The following RAB11FIP1 variants were observed in gnomAD, a reference collection of about 807,000 sequenced individuals.
RAB11FIP1 encodes rab11 family-interacting protein 1.
Under a neutral mutation model 83.1 loss-of-function variants are expected in RAB11FIP1, and 49 were observed. The observed-to-expected ratio is 0.59, with a 90% CI of 0.47 to 0.75. The LOEUF is 0.75. Ranked by LOEUF, RAB11FIP1 falls within the 30% of genes least tolerant of loss-of-function variation. The probability of loss-of-function intolerance (pLI) is 0.00; values close to 1 mark genes in which losing one functional copy is unlikely to be tolerated. For synonymous variants in RAB11FIP1, 670 were observed against 656.0 expected (o/e 1.02, Z -0.33); for missense variants, 1,536 against 1,598.7 (o/e 0.96, Z 0.67).
intron 1 of RAB11FIP1, among the ~76,000 whole-genome samples, chr8:37,888,664 G>C (rs1806884509): frequency 6.6e-6 from 1 of 151,726 alleles, no homozygotes; most frequent in Non-Finnish European, 1.5e-5. Flanking sequence ...TTTTTGTAGA[G>C]ACAGGGTCTC....
chr8:37,882,898 C>T (rs1460930635), intron 1 of RAB11FIP1, among the ~76,000 whole-genome samples: 1 of 152,130 alleles, frequency 6.6e-6, no homozygotes, highest in Non-Finnish European at 1.5e-5. Context: ...ATCCCTGGGT[C>T]CTAAAGTGGG....
chr8:37,874,805 CT>C lies in RAB11FIP1; in HGVS notation c.1331del (p.Lys444ArgfsTer24). The C allele has an allele frequency of 6.2e-7, 1 of 1,614,210 alleles. No individual in the cohort carries two copies. The highest frequency in any genetic ancestry group is 8.5e-7 in the Non-Finnish European group (1 of 1,180,034). On this transcript the variant is annotated frameshift_variant, in exon 3 of 6. Coordinates refer to ENST00000330843, the MANE Select transcript of RAB11FIP1 (RefSeq NM_001002814.3). LOFTEE classifies it high-confidence loss of function. ...SSLLSLMTGKKDVAKGSEGEN... is the reference protein window; with the variant it reads ...SSLLSLMTGKXDVAKGSEGEN... ...CACCTTCACTGCCCTTAGCCACATCCTTCTTCCCCGTCATCAGAGACAGCAA... is the reference window on the plus strand; with the variant it reads ...CACCTTCACTGCCCTTAGCCACATCCTCTTCCCCGTCATCAGAGACAGCAA...
At chr8:37,894,046 C>G (rs1384859965) in intron 1 of RAB11FIP1, among the ~76,000 whole-genome samples, 2 of 152,220 alleles carry the variant, frequency 1.3e-5, no homozygotes, top group Admixed American at 6.5e-5. Flanking sequence ...ACTGAGCTAT[C>G]TCAGTTTCCT....
intron 5 of RAB11FIP1, among the ~76,000 whole-genome samples, chr8:37,867,756 AGAAGGAAG>A (rs955290067): frequency 1.6e-4 from 25 of 152,096 alleles, no homozygotes; most frequent in African/African-American, 6.0e-4. Flanking sequence ...AAAGAAGGAA[AGAAGGAAG>A]GAAGGAAGGA....
chr8:37,875,162 G>A lies in RAB11FIP1; in HGVS notation c.975C>T (p.Tyr325=). 1.9e-6 allele frequency: 3 copies of A among 1,614,132 alleles called. No homozygotes were observed. Among genetic ancestry groups the A allele is most frequent in the Non-Finnish European group, 2.5e-6 (3 of 1,180,014 alleles). Residue 325 remains tyrosine, a synonymous_variant, in exon 3 of 6, where the codon TAC becomes TAT. Transcript: ENST00000330843. ...SNVCINGNHV[Y]LEQPEAKGEI... Reference sequence around the variant, plus strand: ...CACCCTTGGCTTCTGGCTGCTCCAGGTAAACATGGTTCCCATTGATGCAGA... The same window carrying A: ...CACCCTTGGCTTCTGGCTGCTCCAGATAAACATGGTTCCCATTGATGCAGA...
At chr8:37,895,067 T>C (rs1807036649) in intron 1 of RAB11FIP1, among the ~76,000 whole-genome samples, 1 of 141,730 alleles carries the variant, frequency 7.1e-6, no homozygotes, top group African/African-American at 2.6e-5. Flanking sequence ...CATATATATA[T>C]ATGTTTTTTT....
At chr8:37,870,169 A>G (rs1806421847) in intron 5 of RAB11FIP1, among the ~76,000 whole-genome samples, 1 of 152,138 alleles carries the variant, frequency 6.6e-6, no homozygotes, top group Non-Finnish European at 1.5e-5. Context: ...TTTTTAAAAA[A>G]GAAGGGCCAG....
In RAB11FIP1 at chr8:37,873,159, G is replaced by A. The variant is rs560847102; in HGVS notation, c.1643C>T (p.Ala548Val). Residue 548 changes from alanine to valine, a missense_variant, in exon 4 of 6, where the codon GCG becomes GTG. Ala to Val is a moderately conservative substitution (Grantham distance 64). Coordinates refer to ENST00000330843, the MANE Select transcript of RAB11FIP1 (RefSeq NM_001002814.3). The stretch of plus-strand genomic sequence containing the variant: ...GGAAGGAAGCCTGGCTGTGGGTTGC[G>A]CCTCTGGAGACACTTCCAGTCTGCA... ...VKPRLEVSPE[A>V]QPTARLPSPT... is the part of the protein sequence containing the mutation. 75 of 1,601,100 alleles carry A rather than the reference G, an allele frequency of 4.7e-5. 1 individual carries two copies. Among genetic ancestry groups the A allele is most frequent in the South Asian group, 4.3e-4 (39 of 90,130 alleles).
chr8:37,896,527 T>G (rs1004664261), intron 1 of RAB11FIP1, among the ~76,000 whole-genome samples: 2 of 152,136 alleles, frequency 1.3e-5, no homozygotes, highest in African/African-American at 4.8e-5. Flanking sequence ...ACCATTTTCC[T>G]GGAAGTCAAT....
In RAB11FIP1 at chr8:37,899,487, G is replaced by A. The variant is rs1322052579; in HGVS notation, c.-46C>T. ...AGCGAGGAGAAGATCGCCGCGACTG[G>A]CGGCCTCCACGGCCCGCCCCGGCGA... On this transcript the variant is annotated 5_prime_UTR_variant, in exon 1 of 6. Coordinates refer to ENST00000330843, the MANE Select transcript of RAB11FIP1 (RefSeq NM_001002814.3). The surrounding 1 kb of genome is among the most constrained non-coding windows in gnomAD (Gnocchi z 4.5). 2 of 1,484,196 alleles carry A rather than the reference G, an allele frequency of 1.3e-6. No homozygotes were observed. The allele number at this position is 1,484,196 out of a possible 1,614,324, so 91.9% of individuals were successfully genotyped here. A position where few individuals can be genotyped will look rare whatever the true frequency, so the allele number is the denominator to read the frequency against.
intron 1 of RAB11FIP1, among the ~76,000 whole-genome samples, chr8:37,878,449 A>G (rs1164907959): frequency 6.8e-6 from 1 of 147,802 alleles, no homozygotes; most frequent in Non-Finnish European, 1.5e-5. Context: ...CAGGAGAATC[A>G]CTTGAACCCA....
rs1806262117 is a variant in RAB11FIP1 at position 37,862,694 on chromosome 8, A to G, written c.*201T>C. ...AAGGCACAGTGGCATTTAAAACTAA[A>G]GCCTTGGGAATGTACAGTAAAAGAT... On this transcript the variant is annotated 3_prime_UTR_variant, in exon 6 of 6. Coordinates refer to ENST00000330843, the MANE Select transcript of RAB11FIP1 (RefSeq NM_001002814.3). 1 of 536,152 alleles carries G rather than the reference A, an allele frequency of 1.9e-6. No individual in the cohort carries two copies. The highest frequency in any genetic ancestry group is 3.1e-5 in the East Asian group (1 of 32,440). 33.2% of individuals were successfully genotyped at this position (536,152 alleles called of 1,614,324 possible).
rs200363878 is a variant in RAB11FIP1 at position 37,899,250 on chromosome 8, G to A, written c.192C>T (p.Pro64=). The stretch of plus-strand genomic sequence containing the variant: ...CGAAGGTGGCCTCCTCGCGCCACAC[G>A]GGCGCGCCCAGGCTGCGCTCCGACA... ...TSVSERSLGA[P]VWREEATFEL... The change falls in exon 1 of 6, where the codon CCC becomes CCT. Residue 64 remains proline, a synonymous_variant. Coordinates refer to ENST00000330843, the MANE Select transcript of RAB11FIP1 (RefSeq NM_001002814.3). This position sits in a 1 kb window ranked among gnomAD's most constrained non-coding sequence, Gnocchi z 4.5. 1,871 of 1,600,920 alleles carry A rather than the reference G, an allele frequency of 1.2e-3. 6 individuals are homozygous for A. The highest frequency in any genetic ancestry group is 1.4e-3 in the Non-Finnish European group (1,597 of 1,176,554).
In RAB11FIP1 at chr8:37,874,757, C is replaced by A. The variant is rs138430070; in HGVS notation, c.1380G>T (p.Gly460=). 14 of 1,614,226 alleles carry A rather than the reference C, an allele frequency of 8.7e-6. No individual in the cohort carries two copies. In the African/African-American group the frequency reaches 1.6e-4, roughly 18 times the overall value. Residue 460 remains glycine, a synonymous_variant, in exon 3 of 6, where the codon GGG becomes GGT. Transcript: ENST00000330843. ...SEGENPLTVP[G]REKEGMLMGV... The stretch of plus-strand genomic sequence containing the variant: ...CCATCAGCATGCCTTCCTTCTCCCT[C>A]CCTGGGACCGTGAGAGGGTTTTCAC...
chr8:37,872,770 T>A lies in RAB11FIP1; in HGVS notation c.2032A>T (p.Thr678Ser). 6.2e-7 allele frequency: 1 copy of A among 1,614,246 alleles called. No individual in the cohort carries two copies. Among genetic ancestry groups the A allele is most frequent in the Non-Finnish European group, 8.5e-7 (1 of 1,180,044 alleles). ...CTGCTGGTGTTCTTCTCTGTGCCTGTCTCACGGGTCCTGCCCATCAGAGAA... is the reference window on the plus strand; with the variant it reads ...CTGCTGGTGTTCTTCTCTGTGCCTGACTCACGGGTCCTGCCCATCAGAGAA... ...EDSLMGRTRETGTEKNTSSLE... is the reference protein window; with the variant it reads ...EDSLMGRTRESGTEKNTSSLE... The change falls in exon 4 of 6, where the codon ACA becomes TCA. Residue 678 changes from threonine to serine, a missense_variant. Transcript: ENST00000330843.
chr8:37,881,444 A>T (rs1431220092), intron 1 of RAB11FIP1, among the ~76,000 whole-genome samples: 2 of 152,360 alleles, frequency 1.3e-5, no homozygotes, highest in South Asian at 4.1e-4. Flanking sequence ...TAAATGTCCA[A>T]AGATGAAAGA....
intron 4 of RAB11FIP1, 144 bp from the exon 5 acceptor site, chr8:37,870,672 A>T: frequency 1.8e-6 from 1 of 561,814 alleles, no homozygotes; most frequent in Non-Finnish European, 3.2e-6. Context: ...AAGCACTCCA[A>T]TGTCTCAGTT....
Position 37,874,666 on chromosome 8 carries a change from T to A in RAB11FIP1, c.1471A>T (p.Thr491Ser), listed in dbSNP as rs1238819237. 6.2e-7 allele frequency: 1 copy of A among 1,614,092 alleles called. No individual in the cohort carries two copies. Among genetic ancestry groups the A allele is most frequent in the Non-Finnish European group, 8.5e-7 (1 of 1,180,036 alleles). Residue 491 changes from threonine to serine, a missense_variant, in exon 3 of 6, where the codon ACT becomes TCT. Thr to Ser is a moderately conservative substitution (Grantham distance 58, BLOSUM62 1). Transcript: ENST00000330843. ...EDLVRRSEKD[T>S]AAVVSRQGSS... Reference sequence around the variant, plus strand: ...CCCTGTCTGGAGACAACAGCTGCAGTATCTTTCTCAGATCTTCTCACAAGG... The same window carrying A: ...CCCTGTCTGGAGACAACAGCTGCAGAATCTTTCTCAGATCTTCTCACAAGG...
intron 1 of RAB11FIP1, among the ~76,000 whole-genome samples, chr8:37,885,477 A>G (rs913133754): frequency 1.1e-4 from 16 of 152,168 alleles, no homozygotes; most frequent in African/African-American, 2.9e-4. Context: ...TGCCACAGAC[A>G]AGCAAAACTG....
Sources: allele counts gnomAD v4.1 joint callset (sites outside exome capture counted in the v4.1 genomes callset), GRCh38; gene constraint gnomAD v4.1.1; non-coding constraint Gnocchi (gnomAD v3.1); transcripts MANE v1.5; gene names NCBI Gene and HGNC (gene_info 2026-07-23, HGNC 2026-07-21).